The following DLGAP1 variants were observed in gnomAD, a reference collection of about 807,000 sequenced individuals.
The protein encoded by DLGAP1 is disks large-associated protein 1.
DLGAP1 carries 11 observed loss-of-function variants against 90.8 expected under a neutral mutation model. The ratio of observed to expected loss-of-function variants is 0.12; its 90% CI spans 0.08 to 0.20. The LOEUF (loss-of-function observed/expected upper bound fraction) is 0.20, where lower values mean the gene tolerates loss of function less well. Among genes scored for constraint, DLGAP1 ranks in the 10% least tolerant of loss-of-function variants. The pLI is 1.00. For synonymous variants in DLGAP1, 558 were observed against 540.7 expected (o/e 1.03, Z -0.44); for missense variants, 1,050 against 1,333.8 (o/e 0.79, Z 3.31).
chr18:4,333,484 G>C (rs79199184), intron 1 of DLGAP1, among the ~76,000 whole-genome samples: 3,486 of 151,426 alleles, frequency 0.023, 60 homozygotes, highest in Admixed American at 0.039. Context: ...ACTATCAATA[G>C]AGAGAGAGAA....
intron 5 of DLGAP1, among the ~76,000 whole-genome samples, chr18:3,782,821 A>G (rs2065259136): frequency 1.3e-5 from 2 of 152,222 alleles, no homozygotes; most frequent in South Asian, 2.1e-4. Context: ...CACCAAAATT[A>G]AAAATTTTTG....
intron 1 of DLGAP1, among the ~76,000 whole-genome samples, chr18:4,278,711 ATG>A (rs921686076): frequency 2.0e-5 from 3 of 151,360 alleles, no homozygotes; most frequent in South Asian, 2.1e-4. Context: ...ATATATGTGC[ATG>A]TGTGTGTGTA....
intron 5 of DLGAP1, among the ~76,000 whole-genome samples, chr18:3,802,562 C>T (rs1270119977): frequency 1.3e-5 from 2 of 152,238 alleles, no homozygotes; most frequent in East Asian, 3.8e-4. Flanking sequence ...AATCCTTTCT[C>T]TTTCATGAAG....
At chr18:4,391,892 TA>T (rs2082348542) in intron 1 of DLGAP1, among the ~76,000 whole-genome samples, 1 of 152,200 alleles carries the variant, frequency 6.6e-6, no homozygotes, top group Non-Finnish European at 1.5e-5. Context: ...TTTGATACCG[TA>T]CCCTCTTTAT....
At chr18:3,954,932 TTAG>T (rs1354982566) in intron 3 of DLGAP1, among the ~76,000 whole-genome samples, 1 of 152,110 alleles carries the variant, frequency 6.6e-6, no homozygotes, top group Non-Finnish European at 1.5e-5. Flanking sequence ...CTCTCTGAAT[TTAG>T]AAGACAGGGA....
At chr18:4,305,491 G>A (rs1453477888) in intron 1 of DLGAP1, among the ~76,000 whole-genome samples, 1 of 88,098 alleles carries the variant, frequency 1.1e-5, no homozygotes, top group Admixed American at 1.0e-4. Context: ...CCGAGATCGT[G>A]GCACTGCACT....
intron 1 of DLGAP1, among the ~76,000 whole-genome samples, chr18:4,209,752 C>T (rs956996692): frequency 2.6e-4 from 39 of 152,118 alleles, no homozygotes; most frequent in African/African-American, 9.2e-4. Context: ...TTGGGGGGTA[C>T]AAATTGGTGC....
chr18:3,848,540 A>G (rs1339289621), intron 4 of DLGAP1, among the ~76,000 whole-genome samples: 1 of 152,140 alleles, frequency 6.6e-6, no homozygotes, highest in Non-Finnish European at 1.5e-5. Context: ...AAAGTGCTGC[A>G]TACATAGCAC....
Position 4,329,268 on chromosome 18 carries a change from A to T in DLGAP1, c.-267+125738T>A, listed in dbSNP as rs60945716. ...AGCATCATTTTTTGAAAAAACGAAG[A>T]TTTCTACATTGAATTACCCTGGGTC... is the stretch of plus-strand genomic sequence containing the variant. On this transcript the variant is annotated intron_variant, in intron 1 of 12. Coordinates refer to ENST00000315677, the MANE Select transcript of DLGAP1 (RefSeq NM_004746.4). Among the ~76,000 whole-genome samples, 1,430 of 152,012 alleles carry T rather than the reference A, an allele frequency of 9.4e-3. 24 individuals carry two copies. Among genetic ancestry groups the T allele is most frequent in the African/African-American group, 0.033 (1,373 of 41,526 alleles).
At chr18:3,719,517 A>G (rs1487949251) in intron 7 of DLGAP1, among the ~76,000 whole-genome samples, 1 of 145,456 alleles carries the variant, frequency 6.9e-6, no homozygotes, top group Admixed American at 7.0e-5. Flanking sequence ...AGAGCGCGCC[A>G]CTGCACTCCA....
chr18:4,232,934 G>T (rs1453632089), intron 1 of DLGAP1, among the ~76,000 whole-genome samples: 3 of 152,198 alleles, frequency 2.0e-5, no homozygotes, highest in Admixed American at 1.3e-4. Context: ...CCACACAAGT[G>T]TGGGAACACA....
At chr18:3,715,234 GT>G (rs1395605290) in intron 7 of DLGAP1, among the ~76,000 whole-genome samples, 1 of 152,190 alleles carries the variant, frequency 6.6e-6, no homozygotes, top group African/African-American at 2.4e-5. Context: ...CCCTAGAGCT[GT>G]TGGAATGGGT....
intron 4 of DLGAP1, among the ~76,000 whole-genome samples, chr18:3,855,862 C>T (rs1157403295): frequency 3.9e-5 from 6 of 152,184 alleles, no homozygotes; most frequent in Non-Finnish European, 7.3e-5. Context: ...CCGCCTGCCT[C>T]GGCCTCTCAA....
rs2050961553 is a variant in DLGAP1, at chr18:3,518,242, G to A, written c.2480-9581C>T. Among the ~76,000 whole-genome samples the A allele has an allele frequency of 2.0e-5, 3 of 152,200 alleles. No individual in the cohort carries two copies. In the South Asian group the frequency reaches 6.2e-4, roughly 32 times the overall value. The stretch of plus-strand genomic sequence containing the variant: ...GGCCTGAGGAGAGGGAGAGAGATGG[G>A]AATGGCAGGTCGGTGGAGCAGTCAG... On this transcript the variant is annotated intron_variant, in intron 10 of 12. Transcript: ENST00000315677.
chr18:3,766,130 G>C (rs2064231564), intron 5 of DLGAP1, among the ~76,000 whole-genome samples: 1 of 152,066 alleles, frequency 6.6e-6, no homozygotes, highest in South Asian at 2.1e-4. Context: ...GAAAGCAAAA[G>C]GATGGAAAAT....
chr18:4,048,251 A>G (rs2149163173), intron 2 of DLGAP1, among the ~76,000 whole-genome samples: 1 of 152,342 alleles, frequency 6.6e-6, no homozygotes, highest in African/African-American at 2.4e-5. Context: ...CCATTTTTAA[A>G]AAATGTGTTT....
chr18:4,201,280 A>C (rs2077601685), intron 1 of DLGAP1, among the ~76,000 whole-genome samples: 1 of 152,010 alleles, frequency 6.6e-6, no homozygotes, highest in Non-Finnish European at 1.5e-5. Context: ...TCTTTAATCC[A>C]TCTTCAGTTA....
At chr18:4,393,496 T>G (rs1238327021) in intron 1 of DLGAP1, among the ~76,000 whole-genome samples, 1 of 152,216 alleles carries the variant, frequency 6.6e-6, no homozygotes, top group Admixed American at 6.6e-5. Flanking sequence ...AAATGGTACT[T>G]TCTTCAAGAG....
At chr18:4,316,446 T>C (rs2080529178) in intron 1 of DLGAP1, among the ~76,000 whole-genome samples, 1 of 152,138 alleles carries the variant, frequency 6.6e-6, no homozygotes, top group Admixed American at 6.5e-5. Flanking sequence ...GTGGCACAGT[T>C]GTAGTTAGCA....
Sources: gnomAD v4.1 joint callset for allele counts (sites outside exome capture counted in the v4.1 genomes callset) on GRCh38, gnomAD v4.1.1 for gene constraint, MANE v1.5 for transcripts, NCBI Gene and HGNC (gene_info 2026-07-23, HGNC 2026-07-21) for gene names.